Variants in CHM observed in about 807,000 individuals in gnomAD.
CHM encodes rab proteins geranylgeranyltransferase component A 1.
A neutral mutation model predicts 49.0 loss-of-function variants in CHM; 10 were observed. The observed-to-expected ratio is 0.20, with a 90% CI of 0.13 to 0.35. The LOEUF is 0.35. CHM is among the 10% of genes least tolerant of loss of function. The probability of loss-of-function intolerance (pLI) is 1.00; values close to 1 mark genes in which losing one functional copy is unlikely to be tolerated. For missense variants in CHM, 455 were observed against 478.4 expected (o/e 0.95, Z 0.46); for synonymous variants, 184 against 167.5 (o/e 1.10, Z -0.76).
At chrX:86,040,598 C>T (rs144251235) in intron 1 of CHM, among the ~76,000 whole-genome samples, 204 of 112,233 alleles carry the variant, frequency 1.8e-3, no homozygotes, top group African/African-American at 6.3e-3. Flanking sequence ...CCAACTTCAG[C>T]TCCTGATAAA....
Position 85,946,102 on chromosome X carries a change from T to C in CHM, c.1166+10051A>G, listed in dbSNP as rs745533596. 7.1e-5 allele frequency among the ~76,000 whole-genome samples: 8 copies of C among 112,384 alleles called. 1 individual carries two copies. In the South Asian group the frequency reaches 2.6e-3, roughly 36 times the overall value. On this transcript the variant is annotated intron_variant, in intron 8 of 14. Coordinates refer to ENST00000357749, the MANE Select transcript of CHM (RefSeq NM_000390.4). ...GCTGCTTCTAATAGCCTATGCTCAA[T>C]GAGGGAGCAAATAAATGACTTAAGT...
intron 9 of CHM, among the ~76,000 whole-genome samples, chrX:85,909,281 C>T (rs1297590143): frequency 9.0e-6 from 1 of 111,494 alleles, no homozygotes; most frequent in African/African-American, 3.3e-5. Flanking sequence ...CATATTGATA[C>T]GGCCTTAGAC....
At chrX:85,901,953 C>T (rs373845950) in intron 9 of CHM, among the ~76,000 whole-genome samples, 25 of 111,667 alleles carry the variant, frequency 2.2e-4, no homozygotes, top group African/African-American at 8.1e-4. Context: ...CCTTGCAGTG[C>T]CACAAGTTAT....
At chrX:85,997,958 A>G (rs1053547524) in intron 2 of CHM, among the ~76,000 whole-genome samples, 16 of 110,305 alleles carry the variant, frequency 1.5e-4, no homozygotes, top group Admixed American at 8.7e-4. Context: ...TAAAAAAAAA[A>G]GTGAAGAAGC....
Position 85,911,280 on chromosome X carries a change from C to T in CHM, c.1225G>A (p.Val409Met). 1 of 998,285 alleles carries T rather than the reference C, an allele frequency of 1.0e-6. No homozygotes were observed. The highest frequency in any genetic ancestry group is 1.3e-6 in the Non-Finnish European group (1 of 762,989). 82.3% of individuals were successfully genotyped at this position (998,285 alleles called of 1,213,427 possible). Residue 409 changes from valine to methionine, a missense_variant, in exon 9 of 15, where the codon GTG (valine) becomes ATG (methionine). By Grantham distance (21) the Val-to-Met change is conservative. Coordinates refer to ENST00000357749, the MANE Select transcript of CHM (RefSeq NM_000390.4). ...CCTTACTTTCTGGATTCTTTGTCCA[C>T]TACAAGGCACTGTACTGAATGGCGA... ...CLRHSVQCLVVDKESRKCKAI... is the reference protein window; with the variant it reads ...CLRHSVQCLVMDKESRKCKAI...
At chrX:86,044,732 A>C (rs1934592230) in intron 1 of CHM, among the ~76,000 whole-genome samples, 1 of 111,740 alleles carries the variant, frequency 8.9e-6, no homozygotes, top group Admixed American at 9.5e-5. Context: ...TCTGTACCCA[A>C]GCTGAAGAGC....
chrX:85,964,249 A>C (rs1025697623), intron 4 of CHM, among the ~76,000 whole-genome samples, 197 bp from the exon 5 acceptor site: 12 of 111,351 alleles, frequency 1.1e-4, no homozygotes, highest in African/African-American at 3.3e-4. Flanking sequence ...TTGAGAATTT[A>C]AGACAGACAG....
chrX:85,925,180 A>G (rs2148187517), intron 8 of CHM, among the ~76,000 whole-genome samples: 1 of 111,575 alleles, frequency 9.0e-6, no homozygotes, highest in South Asian at 3.7e-4. Context: ...GGGTCAACTT[A>G]TATGTTTGGG....
At chrX:85,966,826 A>C (rs1362631535) in intron 4 of CHM, among the ~76,000 whole-genome samples, 1 of 112,166 alleles carries the variant, frequency 8.9e-6, no homozygotes, top group Non-Finnish European at 1.9e-5. Flanking sequence ...TGAGCATAGC[A>C]AATGATCTAG....
chrX:85,986,165 G>A (rs1157683076), intron 2 of CHM, among the ~76,000 whole-genome samples: 1 of 111,086 alleles, frequency 9.0e-6, no homozygotes, highest in Admixed American at 9.6e-5. Context: ...CCCAGGTTGG[G>A]CCCAGAGCAC....
At chrX:86,013,301 G>A (rs1488511306) in intron 2 of CHM, among the ~76,000 whole-genome samples, 2 of 111,775 alleles carry the variant, frequency 1.8e-5, no homozygotes, top group African/African-American at 6.5e-5. Flanking sequence ...CTGAGTGGGC[G>A]GGTCACCTCC....
At chrX:86,008,704 A>T (rs934035310) in intron 2 of CHM, among the ~76,000 whole-genome samples, 2 of 111,705 alleles carry the variant, frequency 1.8e-5, no homozygotes, top group South Asian at 7.5e-4. Flanking sequence ...ATAAAGGATG[A>T]GATAGTAAAT....
chrX:85,872,701 T>A (rs1219930484), intron 14 of CHM, among the ~76,000 whole-genome samples: 2 of 112,302 alleles, frequency 1.8e-5, no homozygotes, highest in Non-Finnish European at 3.8e-5. Flanking sequence ...TTCAAAATAA[T>A]ATAGCAATCG....
intron 4 of CHM, among the ~76,000 whole-genome samples, chrX:85,977,894 T>A (rs1931366879): frequency 8.9e-6 from 1 of 111,875 alleles, no homozygotes; most frequent in East Asian, 2.8e-4. Context: ...GGTTAAGAAG[T>A]CAAGCACATG....
intron 12 of CHM, among the ~76,000 whole-genome samples, chrX:85,884,772 T>C (rs1924986780): frequency 9.0e-6 from 1 of 110,897 alleles, no homozygotes; most frequent in African/African-American, 3.3e-5. Flanking sequence ...AAGCACATTC[T>C]TGAGCACACA....
chrX:85,894,120 C>T (rs1925657766), intron 12 of CHM, 68 bp downstream of exon 12: 1 of 748,052 alleles, frequency 1.3e-6, no homozygotes, highest in Non-Finnish European at 2.1e-6. Flanking sequence ...ACCTTCACAA[C>T]TGTAATAACT....
intron 1 of CHM, among the ~76,000 whole-genome samples, chrX:86,044,900 C>T (rs1026671286): frequency 3.6e-5 from 4 of 111,656 alleles, no homozygotes; most frequent in African/African-American, 1.3e-4. Flanking sequence ...ACTGTATTTT[C>T]TAATCAGAAG....
chrX:86,016,720 G>A (rs997548505), intron 2 of CHM, among the ~76,000 whole-genome samples: 1 of 112,540 alleles, frequency 8.9e-6, no homozygotes, highest in African/African-American at 3.2e-5. Flanking sequence ...GGGCAGTGCA[G>A]AGGGGAAATG....
At chrX:85,959,113 A>G (rs996208282) in intron 5 of CHM, 136 bp from the exon 6 acceptor site, 50 of 787,921 alleles carry the variant, frequency 6.3e-5, no homozygotes, top group Non-Finnish European at 8.8e-5. Flanking sequence ...AATACATAAC[A>G]CAATCTATTA....
Sources: gnomAD v4.1 joint callset for allele counts (sites outside exome capture counted in the v4.1 genomes callset) on GRCh38, gnomAD v4.1.1 for gene constraint, MANE v1.5 for transcripts, NCBI Gene and HGNC (gene_info 2026-07-23, HGNC 2026-07-21) for gene names.